The following LRRC17 variants were observed in gnomAD, a reference collection of about 807,000 sequenced individuals.
LRRC17 encodes the protein leucine-rich repeat-containing protein 17.
LRRC17 carries 33 observed loss-of-function variants against 41.5 expected under a neutral mutation model. The observed-to-expected ratio is 0.80, with a 90% confidence interval of 0.60 to 1.06. The LOEUF is 1.06. Among genes scored for constraint, LRRC17 ranks in the 50% least tolerant of loss-of-function variants. The pLI is 0.00. For synonymous variants in LRRC17, 192 were observed against 197.0 expected, an observed-to-expected ratio of 0.97 and a Z score of 0.21; for missense variants, 491 against 519.3, an observed-to-expected ratio of 0.95 and a Z score of 0.53.
At position 102,929,415 on chromosome 7, in the gene LRRC17, A is replaced by C. The variant is rs1433982788; in HGVS notation, c.-140-4359A>C. On this transcript the variant is annotated intron_variant, in intron 1 of 3. Transcript: ENST00000339431. Reference sequence around the variant, plus strand: ...GGTGTCTCACGCCTGTAATCCCAGCACTTTGGGAGGCCGAGGCGGGTGGAT... The same window carrying C: ...GGTGTCTCACGCCTGTAATCCCAGCCCTTTGGGAGGCCGAGGCGGGTGGAT... 2.0e-5 allele frequency among the ~76,000 whole-genome samples: 3 copies of C among 152,184 alleles called. No homozygotes were observed. In the East Asian group the frequency reaches 5.8e-4, roughly 29 times the overall value.
chr7:102,937,892 A>G (rs1010307173), intron 2 of LRRC17, among the ~76,000 whole-genome samples: 1 of 152,232 alleles, frequency 6.6e-6, no homozygotes, highest in Non-Finnish European at 1.5e-5. Context: ...ACTTGCATAC[A>G]GATTCCCCAA....
At chr7:102,916,868 C>G (rs921810360) in intron 1 of LRRC17, among the ~76,000 whole-genome samples, 2 of 151,702 alleles carry the variant, frequency 1.3e-5, no homozygotes, top group Non-Finnish European at 2.9e-5. Context: ...AGAGAAATTA[C>G]AATTCTTATA....
At chr7:102,927,939 T>A (rs1430443312) in intron 1 of LRRC17, among the ~76,000 whole-genome samples, 1 of 152,204 alleles carries the variant, frequency 6.6e-6, no homozygotes, top group Non-Finnish European at 1.5e-5. Flanking sequence ...TTGAAAGACC[T>A]TGGCAAAATG....
At chr7:102,920,204 T>C (rs1326608887) in intron 1 of LRRC17, among the ~76,000 whole-genome samples, 1 of 152,198 alleles carries the variant, frequency 6.6e-6, no homozygotes, top group Non-Finnish European at 1.5e-5. Flanking sequence ...AACATGCCAA[T>C]AGCCACTAAT....
chr7:102,935,809 G>T (rs1426373389), intron 2 of LRRC17, among the ~76,000 whole-genome samples: 1 of 152,136 alleles, frequency 6.6e-6, no homozygotes, highest in Non-Finnish European at 1.5e-5. Context: ...ATTAAGTGAG[G>T]TTCATATAGA....
At chr7:102,914,757 G>A (rs1271188039) in intron 1 of LRRC17, among the ~76,000 whole-genome samples, 1 of 152,224 alleles carries the variant, frequency 6.6e-6, no homozygotes, top group African/African-American at 2.4e-5. Flanking sequence ...GGTGGGCAGG[G>A]CCTGAAGGAG....
At position 102,939,503 on chromosome 7, in the gene LRRC17, A is replaced by G. The variant is rs185173034; in HGVS notation, c.846A>G (p.Gln282=). ...ACTTGTCATACAATAAAATCAACCA[A>G]CTTCGACCCAAGGAATTTGAAGATG... The part of the protein sequence containing the change: ...KLDLSYNKIN[Q]LRPKEFEDVH... The change falls in exon 3 of 4, where the codon CAA becomes CAG. Residue 282 remains glutamine, a synonymous_variant. Transcript: ENST00000339431. The G allele has an allele frequency of 6.2e-7, 1 of 1,614,024 alleles. No homozygotes were observed. The highest frequency in any genetic ancestry group is 8.5e-7 in the Non-Finnish European group (1 of 1,179,920).
Position 102,944,161 on chromosome 7 carries a change from A to G in LRRC17, c.929-49A>G, listed in dbSNP as rs780332457. Reference sequence around the variant, plus strand: ...TATTTGTCCTTTCCATATGCCATACACTGTATTAACTCAATTACTCAGGCT... The same window carrying G: ...TATTTGTCCTTTCCATATGCCATACGCTGTATTAACTCAATTACTCAGGCT... On this transcript the variant is annotated intron_variant, in intron 3 of 3. Transcript: ENST00000339431. 20 of 1,460,290 alleles carry G rather than the reference A, an allele frequency of 1.4e-5. No homozygotes were observed. The African/African-American group carries it at 2.7e-4, about 20-fold the overall frequency. 90.5% of individuals were successfully genotyped at this position (1,460,290 alleles called of 1,614,324 possible).
chr7:102,941,741 C>G (rs1339722563), intron 3 of LRRC17, among the ~76,000 whole-genome samples: 1 of 149,270 alleles, frequency 6.7e-6, no homozygotes, highest in Non-Finnish European at 1.5e-5. Context: ...AGTTTTAAAG[C>G]TGTCTCAAAA....
rs1274224882 is a variant in LRRC17 at position 102,931,125 on chromosome 7, A to C, written c.-140-2649A>C. ...TAAGACTTAAAGCTTGATAAAGAGG[A>C]AAGCACCACTTGGGGACAAAGGGAA... On this transcript the variant is annotated intron_variant, in intron 1 of 3. Coordinates refer to ENST00000339431, the MANE Select transcript of LRRC17 (RefSeq NM_001031692.3). Among the ~76,000 whole-genome samples the C allele has an allele frequency of 3.9e-5, 6 of 152,204 alleles. No homozygotes were observed. In the East Asian group the frequency reaches 1.2e-3, roughly 29 times the overall value.
chr7:102,933,918 G>T lies in LRRC17; in HGVS notation c.5G>T (p.Arg2Leu). Residue 2 changes from arginine (R) to leucine (L), a missense_variant, in exon 2 of 4, where the codon CGT becomes CTT. By Grantham distance (102) the Arg-to-Leu change is moderately radical. Transcript: ENST00000339431. Reference protein sequence around the residue: MRVVTIVILLCF... With the variant: MLVVTIVILLCF... ...TGGGGCCAGCTGGATGTCAGGATGCGTGTGGTTACCATTGTAATCTTGCTC... is the reference window on the plus strand; with the variant it reads ...TGGGGCCAGCTGGATGTCAGGATGCTTGTGGTTACCATTGTAATCTTGCTC... 1.9e-6 allele frequency: 3 copies of T among 1,600,184 alleles called. No homozygotes were observed. The highest frequency in any genetic ancestry group is 2.6e-6 in the Non-Finnish European group (3 of 1,170,420).
intron 3 of LRRC17, 87 bp from the exon 4 acceptor site, chr7:102,944,122 CT>C (rs1821999066): frequency 9.6e-7 from 1 of 1,042,816 alleles, no homozygotes; most frequent in Non-Finnish European, 1.3e-6. Flanking sequence ...AATTAAGCCT[CT>C]TTTTAAAATT....
chr7:102,924,156 T>G (rs1238981859), intron 1 of LRRC17, among the ~76,000 whole-genome samples: 1 of 151,192 alleles, frequency 6.6e-6, no homozygotes, highest in Non-Finnish European at 1.5e-5. Flanking sequence ...GAGAATTGCT[T>G]GAACCTGGGA....
At chr7:102,923,880 AT>A (rs1269852102) in intron 1 of LRRC17, among the ~76,000 whole-genome samples, 2 of 152,120 alleles carry the variant, frequency 1.3e-5, no homozygotes, top group African/African-American at 4.8e-5. Flanking sequence ...ATCACACATG[AT>A]TTGATAAAAA....
At chr7:102,942,039 C>A (rs1821566064) in intron 3 of LRRC17, among the ~76,000 whole-genome samples, 1 of 152,132 alleles carries the variant, frequency 6.6e-6, no homozygotes, top group South Asian at 2.1e-4. Flanking sequence ...GCCTTTTAAT[C>A]TTGTTCACCA....
At chr7:102,924,238 C>CA (rs564121170) in intron 1 of LRRC17, among the ~76,000 whole-genome samples, 846 of 54,154 alleles carry the variant, frequency 0.016, 6 homozygotes, top group African/African-American at 0.045. Context: ...AACTCCGTCT[C>CA]AAAAAAAAAA....
rs375247224 is a variant in LRRC17, at chr7:102,934,028, C to A, written c.115C>A (p.Arg39=). The A allele has an allele frequency of 5.0e-6, 8 of 1,614,038 alleles. No homozygotes were observed. Among genetic ancestry groups the A allele is most frequent in the Non-Finnish European group, 6.8e-6 (8 of 1,179,926 alleles). ...RVNHGRAGGG[R]RGSNPVKRYA... ...GAATCATGGCCGGGCGGGTGGAGGC[C>A]GGAGAGGCTCCAACCCGGTCAAACG... is the stretch of plus-strand genomic sequence containing the variant. Residue 39 remains arginine, a synonymous_variant, in exon 2 of 4, where the codon CGG becomes AGG. Coordinates refer to ENST00000339431, the MANE Select transcript of LRRC17 (RefSeq NM_001031692.3).
At chr7:102,917,156 A>T (rs1009985560) in intron 1 of LRRC17, among the ~76,000 whole-genome samples, 5 of 152,182 alleles carry the variant, frequency 3.3e-5, no homozygotes, top group African/African-American at 1.2e-4. Context: ...ACCTAAATGG[A>T]GTGATCTGGC....
Position 102,944,686 on chromosome 7 carries a change from C to T in LRRC17, c.*79C>T. On this transcript the variant is annotated 3_prime_UTR_variant, in exon 4 of 4. Coordinates refer to ENST00000339431, the MANE Select transcript of LRRC17 (RefSeq NM_001031692.3). ...AAAACATATGTTTACATTTGATTAA[C>T]TGTGTTGCCTATTTATGCAGGGTAA... 7.8e-7 allele frequency: 1 copy of T among 1,289,034 alleles called. No homozygotes were observed. The highest frequency in any genetic ancestry group is 1.1e-6 in the Non-Finnish European group (1 of 946,260). The allele number at this position is 1,289,034 out of a possible 1,614,324, so 79.8% of individuals were successfully genotyped here.
Sources: gnomAD v4.1 joint callset for allele counts (sites outside exome capture counted in the v4.1 genomes callset) on GRCh38, gnomAD v4.1.1 for gene constraint, MANE v1.5 for transcripts, NCBI Gene and HGNC (gene_info 2026-07-23, HGNC 2026-07-21) for gene names.